The following FANCB variants were observed in gnomAD, a reference collection of about 807,000 sequenced individuals.
FANCB encodes FA complementation group B.
In FANCB, 5 loss-of-function variants were observed where a neutral mutation model predicts 38.9. That is an observed-to-expected ratio of 0.13 (90% CI 0.07 to 0.27). The LOEUF (loss-of-function observed/expected upper bound fraction) is 0.27. FANCB is among the 10% of genes least tolerant of loss of function. The pLI is 1.00. For synonymous variants in FANCB, 236 were observed against 215.4 expected, an observed-to-expected ratio of 1.10 and a Z score of -0.84; for missense variants, 573 against 602.7, an observed-to-expected ratio of 0.95 and a Z score of 0.52.
the FANCB span, among the ~76,000 whole-genome samples, chrX:14,707,937 A>T: frequency 1.8e-5 from 2 of 111,170 alleles, no homozygotes. Flanking sequence ...ACTAATTAAC[A>T]TGTCCATCAT....
At chrX:14,839,316 AAC>A (rs143506765), downstream of FANCB, among the ~76,000 whole-genome samples, 1,526 of 110,124 alleles carry the variant, frequency 0.014, 24 homozygotes, top group African/African-American at 0.041. Context: ...CAACAACAAC[AAC>A]AAAAAAAACG....
chrX:14,806,513 T>C, the FANCB span, among the ~76,000 whole-genome samples: 3 of 111,528 alleles, frequency 2.7e-5, no homozygotes, highest in African/African-American at 9.8e-5. Context: ...GCCACCATCA[T>C]CTAAGGGGTG....
At chrX:14,744,637 A>T in the FANCB span, among the ~76,000 whole-genome samples, 1 of 106,313 alleles carries the variant, frequency 9.4e-6, no homozygotes, top group Non-Finnish European at 2.0e-5. Flanking sequence ...TTAAAAAGCC[A>T]TGGAGAAGCA....
chrX:14,857,377 T>A (rs1428414547), intron 5 of FANCB, among the ~76,000 whole-genome samples: 1 of 112,483 alleles, frequency 8.9e-6, no homozygotes, highest in Admixed American at 9.4e-5. Flanking sequence ...AGGTTTTTTT[T>A]ATTTTGTTTT....
chrX:14,841,676 TG>T (rs770031826), downstream of FANCB, among the ~76,000 whole-genome samples: 102 of 111,945 alleles, frequency 9.1e-4, no homozygotes, highest in African/African-American at 3.1e-3. Context: ...GGGAGGACTG[TG>T]TTTTTGAGGG....
the FANCB span, among the ~76,000 whole-genome samples, chrX:14,811,810 G>A: frequency 7.1e-4 from 79 of 111,117 alleles, no homozygotes; most frequent in African/African-American, 1.8e-3. Flanking sequence ...TGCACCAAGC[G>A]GACCTAATAG....
chrX:14,824,480 G>A, the FANCB span, among the ~76,000 whole-genome samples: 2 of 111,826 alleles, frequency 1.8e-5, no homozygotes, highest in Non-Finnish European at 3.8e-5. Context: ...TGCTATTAAA[G>A]GACATTTAGG....
At chrX:14,721,457 CT>C in the FANCB span, among the ~76,000 whole-genome samples, 3 of 111,144 alleles carry the variant, frequency 2.7e-5, no homozygotes, top group African/African-American at 9.8e-5. Context: ...ATTATAAGCC[CT>C]TGTTATCTTA....
chrX:14,726,704 G>A, the FANCB span, among the ~76,000 whole-genome samples: 1 of 112,472 alleles, frequency 8.9e-6, no homozygotes. Context: ...AATTGAATGA[G>A]TTAATCTTTT....
the FANCB span, among the ~76,000 whole-genome samples, chrX:14,775,298 G>T: frequency 9.4e-6 from 1 of 106,477 alleles, no homozygotes; most frequent in African/African-American, 3.4e-5. Context: ...CTTTCTTGCT[G>T]CTGATCGTGT....
chrX:14,819,705 G>T, the FANCB span, among the ~76,000 whole-genome samples: 8 of 111,966 alleles, frequency 7.1e-5, no homozygotes, highest in East Asian at 1.7e-3. Flanking sequence ...GGAAACCACT[G>T]CAAAGAGCAC....
At chrX:14,766,501 C>G in the FANCB span, among the ~76,000 whole-genome samples, 3 of 111,312 alleles carry the variant, frequency 2.7e-5, no homozygotes, top group Admixed American at 2.9e-4. Flanking sequence ...AAGCAAAATC[C>G]TACTGACTCA....
chrX:14,828,895 T>C, the FANCB span, among the ~76,000 whole-genome samples: 1 of 111,018 alleles, frequency 9.0e-6, no homozygotes. Flanking sequence ...ATTTTGTAGA[T>C]ACAGGGTCTC....
intron 7 of FANCB, among the ~76,000 whole-genome samples, chrX:14,849,385 C>T (rs931713734): frequency 6.3e-5 from 7 of 111,859 alleles, no homozygotes; most frequent in Admixed American, 1.9e-4. Flanking sequence ...CTCAAACCCA[C>T]TAGATAAGTA....
the FANCB span, among the ~76,000 whole-genome samples, chrX:14,816,795 T>C: frequency 8.9e-6 from 1 of 112,327 alleles, no homozygotes; most frequent in Non-Finnish European, 1.9e-5. Flanking sequence ...AAACATCAAC[T>C]GGCCCATATA....
At chrX:14,762,297 C>T in the FANCB span, among the ~76,000 whole-genome samples, 2 of 110,913 alleles carry the variant, frequency 1.8e-5, no homozygotes, top group Non-Finnish European at 3.8e-5. Flanking sequence ...CTCTTAAAGG[C>T]CCCAACTCTT....
the FANCB span, among the ~76,000 whole-genome samples, chrX:14,770,568 G>A: frequency 8.9e-6 from 1 of 111,885 alleles, no homozygotes; most frequent in Non-Finnish European, 1.9e-5. Flanking sequence ...GCACACTGAT[G>A]GGTCTTGGCT....
downstream of FANCB, among the ~76,000 whole-genome samples, chrX:14,839,610 T>C (rs73439485): frequency 2.5e-3 from 281 of 110,962 alleles, no homozygotes; most frequent in African/African-American, 8.0e-3. Flanking sequence ...GTATAATAAA[T>C]TGAATTATAA....
At chrX:14,715,703 T>C in the FANCB span, among the ~76,000 whole-genome samples, 2 of 111,537 alleles carry the variant, frequency 1.8e-5, no homozygotes, top group African/African-American at 6.5e-5. Flanking sequence ...GTGAGGATTA[T>C]TCTATATAAA....
Sources: allele counts gnomAD v4.1 joint callset (sites outside exome capture counted in the v4.1 genomes callset), GRCh38; gene constraint gnomAD v4.1.1; transcripts MANE v1.5; gene names NCBI Gene and HGNC (gene_info 2026-07-23, HGNC 2026-07-21).